Variants in POFUT3 observed in about 807,000 individuals in gnomAD.
POFUT3 encodes protein O-fucosyltransferase 3, also known as GDP-fucose protein O-fucosyltransferase 3.
the POFUT3 span, chr8:33,372,862 C>A: frequency 6.7e-7 from 1 of 1,491,026 alleles, no homozygotes. Flanking sequence ...GCACAATTCC[C>A]TTAAAGCAAC....
the POFUT3 span, among the ~76,000 whole-genome samples, chr8:33,328,389 A>AAAAAC: frequency 2.5e-5 from 2 of 78,466 alleles, no homozygotes; most frequent in African/African-American, 1.1e-4. Context: ...AACAAAAAAC[A>AAAAAC]AAAAAAAAAA....
At chr8:33,411,555 G>C in the POFUT3 span, among the ~76,000 whole-genome samples, 1 of 152,148 alleles carries the variant, frequency 6.6e-6, no homozygotes, top group Admixed American at 6.5e-5. Context: ...TTGGGAGGCC[G>C]AGGTGGGCAA....
chr8:33,461,843 A>G, the POFUT3 span: 2 of 377,290 alleles, frequency 5.3e-6, no homozygotes, highest in Non-Finnish European at 1.0e-5. Context: ...GAGATCATGT[A>G]GTCCTAGTAC....
chr8:33,371,345 G>A, the POFUT3 span: 1 of 152,184 alleles, frequency 6.6e-6, no homozygotes, highest in African/African-American at 2.4e-5. Flanking sequence ...ACCTAATGAA[G>A]ACGCTGCTCA....
chr8:33,467,318 G>A, the POFUT3 span, among the ~76,000 whole-genome samples: 1 of 151,024 alleles, frequency 6.6e-6, no homozygotes. Context: ...ATCAAGGTGT[G>A]GCCAGAGCAC....
At chr8:33,310,573 C>T in the POFUT3 span, among the ~76,000 whole-genome samples, 656 of 152,076 alleles carry the variant, frequency 4.3e-3, 18 homozygotes, top group East Asian at 0.067. Flanking sequence ...AGCATCCAGT[C>T]CCAGCTACTC....
the POFUT3 span, among the ~76,000 whole-genome samples, chr8:33,441,437 AT>A: frequency 7.0e-6 from 1 of 142,880 alleles, no homozygotes; most frequent in African/African-American, 2.7e-5. Context: ...CTGGAGTGCA[AT>A]GGTACAATCT....
chr8:33,377,495 T>A, the POFUT3 span: 2 of 152,190 alleles, frequency 1.3e-5, no homozygotes, highest in African/African-American at 4.8e-5. Context: ...TAACGGTTTA[T>A]ATGAGAAAGT....
chr8:33,326,310 C>G, the POFUT3 span, among the ~76,000 whole-genome samples: 1 of 152,062 alleles, frequency 6.6e-6, no homozygotes, highest in Non-Finnish European at 1.5e-5. Flanking sequence ...CAGCATGGCC[C>G]TCCAGTACCC....
At chr8:33,369,372 T>G in the POFUT3 span, among the ~76,000 whole-genome samples, 654 of 152,326 alleles carry the variant, frequency 4.3e-3, 3 homozygotes, top group African/African-American at 0.015. Context: ...TTTATGTCTG[T>G]AATCAAAGAC....
the POFUT3 span, among the ~76,000 whole-genome samples, chr8:33,418,274 C>T: frequency 2.6e-5 from 4 of 152,264 alleles, no homozygotes; most frequent in East Asian, 7.7e-4. Flanking sequence ...GCACAGCCTC[C>T]ACGCACTTTC....
At chr8:33,394,616 C>T in the POFUT3 span, among the ~76,000 whole-genome samples, 53 of 151,562 alleles carry the variant, frequency 3.5e-4, no homozygotes, top group Non-Finnish European at 7.4e-4. Context: ...ATACCAATGC[C>T]AATTTCCTAT....
At chr8:33,362,261 G>A in the POFUT3 span, among the ~76,000 whole-genome samples, 1,170 of 152,116 alleles carry the variant, frequency 7.7e-3, 9 homozygotes, top group Non-Finnish European at 0.014. Flanking sequence ...AAGAGCGCCT[G>A]AAGGAAGCAC....
At chr8:33,349,377 C>G in the POFUT3 span, among the ~76,000 whole-genome samples, 1 of 152,024 alleles carries the variant, frequency 6.6e-6, no homozygotes, top group African/African-American at 2.4e-5. Context: ...TTTGGTGCAC[C>G]CATCACCTGA....
chr8:33,393,878 T>C, the POFUT3 span, among the ~76,000 whole-genome samples: 1 of 152,234 alleles, frequency 6.6e-6, no homozygotes, highest in Non-Finnish European at 1.5e-5. Context: ...TTCTGCAGAA[T>C]GCTCTCCAAA....
the POFUT3 span, among the ~76,000 whole-genome samples, chr8:33,309,138 TAAAAAAAAA>T: frequency 7.0e-4 from 29 of 41,618 alleles, no homozygotes; most frequent in African/African-American, 8.3e-4. Context: ...CTGGGGAGTG[TAAAAAAAAA>T]AAAAAAAAAA....
the POFUT3 span, among the ~76,000 whole-genome samples, chr8:33,357,516 G>GTA: frequency 1.0e-3 from 142 of 137,916 alleles, no homozygotes; most frequent in African/African-American, 1.8e-3. Flanking sequence ...ATATATGTAT[G>GTA]TGTGTGTGTG....
At chr8:33,326,849 C>T in the POFUT3 span, among the ~76,000 whole-genome samples, 9 of 152,214 alleles carry the variant, frequency 5.9e-5, no homozygotes, top group Non-Finnish European at 8.8e-5. Flanking sequence ...AAGATCATAG[C>T]TCGCTGCATC....
At chr8:33,336,142 G>A in the POFUT3 span, among the ~76,000 whole-genome samples, 9 of 152,270 alleles carry the variant, frequency 5.9e-5, no homozygotes, top group East Asian at 5.8e-4. Flanking sequence ...CATTATTAAC[G>A]TTTCTCTATC....
Sources: allele counts gnomAD v4.1 joint callset (sites outside exome capture counted in the v4.1 genomes callset), GRCh38; gene constraint gnomAD v4.1.1; transcripts MANE v1.5; gene names NCBI Gene and HGNC (gene_info 2026-07-23, HGNC 2026-07-21).